Variants in MED27 observed in about 807,000 individuals in gnomAD.
MED27 encodes the protein mediator complex subunit 27.
A neutral mutation model predicts 38.2 loss-of-function variants in MED27; 30 were observed. The observed-to-expected ratio is 0.79, with a 90% CI of 0.59 to 1.07. The LOEUF is 1.07. Ranked by LOEUF, MED27 falls within the 50% of genes least tolerant of loss-of-function variation. MED27 has a pLI of 0.00. For synonymous variants in MED27, 122 were observed against 153.5 expected (o/e 0.79, Z 1.52); for missense variants, 289 against 397.5 (o/e 0.73, Z 2.32).
rs778140146 is a variant in MED27 at position 131,868,723 on chromosome 9, C to A, written c.724-5583G>T. 329 of 985,372 alleles carry A rather than the reference C, an allele frequency of 3.3e-4. 2 individuals carry two copies. The highest frequency in any genetic ancestry group is 3.9e-4 in the Non-Finnish European group (326 of 829,952). The allele number at this position is 985,372 out of a possible 1,614,324, so 61.0% of individuals were successfully genotyped here. On this transcript the variant is annotated intron_variant, in intron 6 of 7. Coordinates refer to ENST00000292035, the MANE Select transcript of MED27 (RefSeq NM_004269.4). ...ACCTCCTACCCACTGACTCCCATCC[C>A]CGCTCTCCCAGTTTGCAGATAAAGG... is the stretch of plus-strand genomic sequence containing the variant.
Position 131,995,964 on chromosome 9 carries a change from G to A in MED27, c.479+18373C>T, listed in dbSNP as rs76014832. On this transcript the variant is annotated intron_variant, in intron 3 of 7. Transcript: ENST00000292035. ...CACTCCATAATTCCTGATATCCCAT[G>A]GTAGACTTCAAGCATCCCCCTTCCA... Among the ~76,000 whole-genome samples the A allele has an allele frequency of 5.2e-3, 796 of 152,284 alleles. 14 individuals are homozygous for A. Among genetic ancestry groups the A allele is most frequent in the African/African-American group, 0.018 (735 of 41,554 alleles).
At chr9:131,905,058 C>A (rs1043120502) in intron 4 of MED27, among the ~76,000 whole-genome samples, 1 of 152,296 alleles carries the variant, frequency 6.6e-6, no homozygotes, top group African/African-American at 2.4e-5. Flanking sequence ...TCTGGGCTTC[C>A]CTTGCAGTCT....
chr9:131,984,211 T>C (rs1327582131), intron 3 of MED27, among the ~76,000 whole-genome samples: 4 of 152,214 alleles, frequency 2.6e-5, no homozygotes, highest in Admixed American at 6.5e-5. Context: ...CCAGCTCTCC[T>C]GGCTCTTCAC....
intron 6 of MED27, among the ~76,000 whole-genome samples, chr9:131,878,638 A>T (rs1454423478): frequency 6.6e-6 from 1 of 152,210 alleles, no homozygotes; most frequent in Non-Finnish European, 1.5e-5. Context: ...AAGACAATGC[A>T]GTGAGTAGCT....
chr9:132,017,663 C>T (rs1832633073), intron 2 of MED27, among the ~76,000 whole-genome samples: 1 of 152,208 alleles, frequency 6.6e-6, no homozygotes, highest in Admixed American at 6.5e-5. Context: ...TACTGCTCCA[C>T]AGGAACAGCC....
rs1347092618 is a variant in MED27 at position 131,889,282 on chromosome 9, T to C, written c.681+4603A>G. Among the ~76,000 whole-genome samples the C allele has an allele frequency of 1.3e-5, 2 of 152,242 alleles. No individual in the cohort carries two copies. Among genetic ancestry groups the C allele is most frequent in the Admixed American group, 6.5e-5 (1 of 15,290 alleles). On this transcript the variant is annotated intron_variant, in intron 5 of 7. Coordinates refer to ENST00000292035, the MANE Select transcript of MED27 (RefSeq NM_004269.4). This position sits in a 1 kb window ranked among gnomAD's most constrained non-coding sequence, Gnocchi z 4.2. ...GATACCACCATTTCTTTTCCTCTCT[T>C]ATGCTCGGAGGCTAAAAGCTGCCTT...
chr9:131,916,083 G>A (rs1830282308), intron 4 of MED27, among the ~76,000 whole-genome samples: 3 of 151,968 alleles, frequency 2.0e-5, no homozygotes, highest in African/African-American at 4.8e-5. Context: ...TAATTCAATC[G>A]CCAACAGAAA....
intron 5 of MED27, among the ~76,000 whole-genome samples, chr9:131,887,900 T>C (rs908827329): frequency 6.6e-6 from 1 of 152,136 alleles, no homozygotes; most frequent in Middle Eastern, 3.2e-3. Flanking sequence ...GTAAGTATTT[T>C]AAGGGTGGGG....
At chr9:131,939,602 ATAGAAT>A in intron 3 of MED27, 128 bp from the exon 4 acceptor site, 1 of 513,252 alleles carries the variant, frequency 1.9e-6, no homozygotes, top group South Asian at 3.7e-5. Context: ...AAGAAGGCAA[ATAGAAT>A]TAGAAACCTT....
At position 132,061,154 on chromosome 9, in the gene MED27, G is replaced by C. The variant is rs368151156; in HGVS notation, c.348+16288C>G. ...AGAAAGGGGGGCGGCAAAAGGATGTGGGTGAAACCTTGATGGATGGATGCT... is the reference window on the plus strand; with the variant it reads ...AGAAAGGGGGGCGGCAAAAGGATGTCGGTGAAACCTTGATGGATGGATGCT... On this transcript the variant is annotated intron_variant, in intron 2 of 7. Coordinates refer to ENST00000292035, the MANE Select transcript of MED27 (RefSeq NM_004269.4). Among the ~76,000 whole-genome samples the C allele has an allele frequency of 1.6e-4, 25 of 152,228 alleles. 2 individuals are homozygous for C. Among genetic ancestry groups the C allele is most frequent in the East Asian group, 9.6e-4 (5 of 5,202 alleles).
chr9:131,931,549 A>G (rs1255526524), intron 4 of MED27, among the ~76,000 whole-genome samples: 3 of 152,164 alleles, frequency 2.0e-5, no homozygotes, highest in Non-Finnish European at 4.4e-5. Flanking sequence ...AAACTCTCCA[A>G]TCAAAAGACA....
chr9:132,010,819 G>T (rs947776908), intron 3 of MED27, among the ~76,000 whole-genome samples: 7 of 152,140 alleles, frequency 4.6e-5, no homozygotes, highest in African/African-American at 1.7e-4. Context: ...ACTCGTAAGT[G>T]GGAATTGAAC....
chr9:131,914,691 G>A (rs1249996371), intron 4 of MED27, among the ~76,000 whole-genome samples: 2 of 152,200 alleles, frequency 1.3e-5, no homozygotes, highest in Non-Finnish European at 2.9e-5. Flanking sequence ...TGGGAAGCCC[G>A]TGGATTCTCC....
chr9:131,993,630 C>T (rs540131970), intron 3 of MED27, among the ~76,000 whole-genome samples: 1 of 152,340 alleles, frequency 6.6e-6, no homozygotes, highest in East Asian at 1.9e-4. Context: ...GTCTAGTTTA[C>T]AGTGGATCCA....
At chr9:131,931,194 A>C (rs774576921) in intron 4 of MED27, among the ~76,000 whole-genome samples, 4 of 152,130 alleles carry the variant, frequency 2.6e-5, no homozygotes, top group Non-Finnish European at 5.9e-5. Context: ...GCAGTGAGCC[A>C]AGATTGTGCC....
chr9:131,998,939 G>A (rs895772155), intron 3 of MED27, among the ~76,000 whole-genome samples: 2 of 151,592 alleles, frequency 1.3e-5, no homozygotes, highest in African/African-American at 4.9e-5. Flanking sequence ...AATCTATTTT[G>A]TTACCTGTCA....
intron 3 of MED27, among the ~76,000 whole-genome samples, chr9:131,974,179 A>C (rs1831553415): frequency 6.6e-6 from 1 of 152,246 alleles, no homozygotes; most frequent in African/African-American, 2.4e-5. Flanking sequence ...AGTTGACTGC[A>C]GTTCACCCTA....
chr9:132,030,707 T>C (rs781435453), intron 2 of MED27, among the ~76,000 whole-genome samples: 2 of 152,234 alleles, frequency 1.3e-5, no homozygotes, highest in Non-Finnish European at 2.9e-5. Context: ...AAAGATGCTA[T>C]AGACCTATGT....
At chr9:131,937,616 C>G (rs980571760) in intron 4 of MED27, among the ~76,000 whole-genome samples, 2 of 152,152 alleles carry the variant, frequency 1.3e-5, no homozygotes, top group African/African-American at 4.8e-5. Flanking sequence ...CTGCTCATTC[C>G]CTTCAATGCC....
Sources: gnomAD v4.1 joint callset for allele counts (sites outside exome capture counted in the v4.1 genomes callset) on GRCh38, gnomAD v4.1.1 for gene constraint, Gnocchi (gnomAD v3.1) non-coding constraint, MANE v1.5 for transcripts, NCBI Gene and HGNC (gene_info 2026-07-23, HGNC 2026-07-21) for gene names.